The following ROBO2 variants were observed in gnomAD, a reference collection of about 807,000 sequenced individuals.
ROBO2 encodes roundabout guidance receptor 2, also known as roundabout homolog 2.
A neutral mutation model predicts 160.8 loss-of-function variants in ROBO2; 53 were observed. The observed-to-expected ratio is 0.33, with a 90% CI of 0.26 to 0.41. The LOEUF (loss-of-function observed/expected upper bound fraction) is 0.41, where lower values mean the gene tolerates loss of function less well. Among genes scored for constraint, ROBO2 ranks in the 10% least tolerant of loss-of-function variants. ROBO2 has a pLI of 1.00. For missense variants in ROBO2, 1,577 were observed against 1,722.4 expected (o/e 0.92, Z 1.49); for synonymous variants, 664 against 611.7 (o/e 1.09, Z -1.26).
intron 2 of ROBO2, among the ~76,000 whole-genome samples, chr3:76,809,181 GGCCTTCT>G (rs1359298556): frequency 6.6e-6 from 1 of 152,100 alleles, no homozygotes; most frequent in Non-Finnish European, 1.5e-5. Flanking sequence ...AGACTTAGCT[GGCCTTCT>G]GCTCAGGATT....
chr3:77,434,032 C>T (rs1356738465), intron 2 of ROBO2, among the ~76,000 whole-genome samples: 2 of 152,086 alleles, frequency 1.3e-5, no homozygotes, highest in Non-Finnish European at 2.9e-5. Flanking sequence ...AGCTACTCTT[C>T]GCACCAATCA....
intron 2 of ROBO2, among the ~76,000 whole-genome samples, chr3:76,645,729 G>A (rs1281014074): frequency 3.9e-5 from 6 of 152,070 alleles, no homozygotes; most frequent in African/African-American, 1.4e-4. Flanking sequence ...AAATGAATGG[G>A]TAAAAGAATG....
chr3:77,319,234 T>G (rs913947331), intron 2 of ROBO2, among the ~76,000 whole-genome samples: 2 of 152,228 alleles, frequency 1.3e-5, no homozygotes, highest in Non-Finnish European at 2.9e-5. Context: ...GTCACAGAAC[T>G]CTGGTTCATT....
chr3:76,123,176 T>G (rs1473550070), intron 2 of ROBO2, among the ~76,000 whole-genome samples: 1 of 152,180 alleles, frequency 6.6e-6, no homozygotes, highest in African/African-American at 2.4e-5. Flanking sequence ...AAATACTCTT[T>G]TTAATTCATG....
chr3:77,577,374 A>C (rs2093796288), intron 14 of ROBO2, 116 bp from the exon 16 acceptor site: 1 of 1,299,634 alleles, frequency 7.7e-7, no homozygotes, highest in South Asian at 1.2e-5. Flanking sequence ...GTGTGCATTC[A>C]GAACTCCTGG....
chr3:77,390,309 T>C (rs1480812287), intron 2 of ROBO2, among the ~76,000 whole-genome samples: 1 of 152,184 alleles, frequency 6.6e-6, no homozygotes, highest in Non-Finnish European at 1.5e-5. Context: ...TTTTTCTTGA[T>C]GTATGGCATC....
chr3:77,500,601 A>G (rs2153606696), intron 5 of ROBO2, among the ~76,000 whole-genome samples: 1 of 152,334 alleles, frequency 6.6e-6, no homozygotes, highest in South Asian at 2.1e-4. Context: ...AAATGTCTTG[A>G]CATTATAAAA....
intron 2 of ROBO2, among the ~76,000 whole-genome samples, chr3:76,426,003 CT>C (rs1577106660): frequency 6.6e-6 from 1 of 152,026 alleles, no homozygotes; most frequent in East Asian, 1.9e-4. Flanking sequence ...TCCTTTAATT[CT>C]TTTATATAAG....
chr3:76,789,533 T>C (rs753695691), intron 2 of ROBO2, among the ~76,000 whole-genome samples: 1 of 151,544 alleles, frequency 6.6e-6, no homozygotes, highest in Non-Finnish European at 1.5e-5. Flanking sequence ...TTCAATTCAG[T>C]TCTGTTCCCC....
At chr3:76,902,420 C>A (rs144319380) in intron 2 of ROBO2, among the ~76,000 whole-genome samples, 1 of 151,904 alleles carries the variant, frequency 6.6e-6, no homozygotes, top group African/African-American at 2.4e-5. Flanking sequence ...AACTTTCAAG[C>A]TATATTAGGC....
At chr3:76,285,123 G>T (rs1708444319) in intron 2 of ROBO2, among the ~76,000 whole-genome samples, 1 of 151,950 alleles carries the variant, frequency 6.6e-6, no homozygotes, top group Non-Finnish European at 1.5e-5. Flanking sequence ...AACTTTTCTT[G>T]TTCACCATAA....
chr3:77,185,252 G>C (rs1163069696), intron 2 of ROBO2, among the ~76,000 whole-genome samples: 2 of 151,968 alleles, frequency 1.3e-5, no homozygotes, highest in Non-Finnish European at 2.9e-5. Flanking sequence ...CTTAGATTCA[G>C]ATATAGATAA....
chr3:76,850,351 G>A (rs2069218029), intron 2 of ROBO2, among the ~76,000 whole-genome samples: 1 of 152,064 alleles, frequency 6.6e-6, no homozygotes, highest in Non-Finnish European at 1.5e-5. Flanking sequence ...ACCCTGCGCT[G>A]AGTACTTACA....
intron 2 of ROBO2, among the ~76,000 whole-genome samples, chr3:76,414,577 G>A (rs1321198068): frequency 4.3e-5 from 6 of 138,850 alleles, no homozygotes; most frequent in African/African-American, 1.6e-4. Flanking sequence ...GAGATCACAT[G>A]GACACAGGAA....
intron 2 of ROBO2, among the ~76,000 whole-genome samples, chr3:77,467,822 A>G (rs1161959665): frequency 6.6e-6 from 1 of 151,980 alleles, no homozygotes; most frequent in African/African-American, 2.4e-5. Flanking sequence ...TAATGCCCAA[A>G]GTTATAAGCA....
At chr3:76,845,073 C>A (rs1286765168) in intron 2 of ROBO2, among the ~76,000 whole-genome samples, 1 of 151,816 alleles carries the variant, frequency 6.6e-6, no homozygotes, top group Non-Finnish European at 1.5e-5. Context: ...GTAAAAGAAT[C>A]AAAGATTTTA....
At chr3:76,033,076 A>G (rs1016415061) in intron 2 of ROBO2, among the ~76,000 whole-genome samples, 17 of 145,860 alleles carry the variant, frequency 1.2e-4, no homozygotes, top group African/African-American at 4.1e-4. Flanking sequence ...AGTACTTCCA[A>G]AACATCGTAA....
intron 2 of ROBO2, among the ~76,000 whole-genome samples, chr3:77,280,891 G>C (rs565510385): frequency 6.6e-6 from 1 of 152,242 alleles, no homozygotes; most frequent in East Asian, 1.9e-4. Flanking sequence ...CATTGGAAAA[G>C]CAAAATAATT....
intron 2 of ROBO2, among the ~76,000 whole-genome samples, chr3:76,823,523 G>A (rs1240912521): frequency 6.6e-6 from 1 of 152,108 alleles, no homozygotes; most frequent in African/African-American, 2.4e-5. Flanking sequence ...TTTGGCCTGT[G>A]CTTTGTTCAG....
Sources: gnomAD v4.1 joint callset for allele counts (sites outside exome capture counted in the v4.1 genomes callset) on GRCh38, gnomAD v4.1.1 for gene constraint, MANE v1.5 for transcripts, NCBI Gene and HGNC (gene_info 2026-07-23, HGNC 2026-07-21) for gene names.